The following RGS20 variants were observed in gnomAD, a reference collection of about 807,000 sequenced individuals.
The protein encoded by RGS20 is gz-selective GTPase-activating protein.
A neutral mutation model predicts 33.6 loss-of-function variants in RGS20; 30 were observed. That is an observed-to-expected ratio of 0.89 (90% CI 0.67 to 1.21). The LOEUF is 1.21. Among genes scored for constraint, RGS20 ranks in the 50% most tolerant of loss-of-function variants. RGS20 has a pLI of 0.00. For missense variants in RGS20, 472 were observed against 502.4 expected (o/e 0.94, Z 0.58); for synonymous variants, 208 against 197.9 (o/e 1.05, Z -0.43).
chr8:53,953,454 G>A (rs915158248), intron 4 of RGS20, among the ~76,000 whole-genome samples: 2 of 151,490 alleles, frequency 1.3e-5, no homozygotes, highest in Non-Finnish European at 2.9e-5. Context: ...CTAGTAAGTC[G>A]AGGCTTCAGT....
chr8:53,909,209 G>GTGTATGTATATA (rs1242600309), intron 2 of RGS20, among the ~76,000 whole-genome samples: 1 of 43,720 alleles, frequency 2.3e-5, no homozygotes, highest in African/African-American at 1.1e-4. Context: ...TGGTATGTGT[G>GTGTATGTATATA]TATATATATA....
At chr8:53,901,276 C>G (rs938194509) in intron 2 of RGS20, among the ~76,000 whole-genome samples, 1 of 152,116 alleles carries the variant, frequency 6.6e-6, no homozygotes, top group African/African-American at 2.4e-5. Context: ...CCATGTTGGT[C>G]AGGCTGGTCT....
At chr8:53,926,056 G>A (rs1208833709) in intron 2 of RGS20, among the ~76,000 whole-genome samples, 4 of 152,024 alleles carry the variant, frequency 2.6e-5, no homozygotes, top group East Asian at 1.9e-4. Flanking sequence ...AAAAAAAATT[G>A]TTAATTAGCT....
chr8:53,943,990 T>C (rs1216464116), intron 3 of RGS20, among the ~76,000 whole-genome samples: 2 of 147,818 alleles, frequency 1.4e-5, no homozygotes, highest in Non-Finnish European at 1.5e-5. Context: ...TAAAGAAAAA[T>C]AGAGCTACAC....
At chr8:53,889,414 T>TCTC (rs1563367024) in intron 2 of RGS20, among the ~76,000 whole-genome samples, 1 of 44,596 alleles carries the variant, frequency 2.2e-5, no homozygotes, top group African/African-American at 1.1e-4. Flanking sequence ...CTCTCTCTCT[T>TCTC]TTTTTTTTTT....
At chr8:53,890,768 T>G (rs903256524) in intron 2 of RGS20, among the ~76,000 whole-genome samples, 1 of 152,246 alleles carries the variant, frequency 6.6e-6, no homozygotes, top group Non-Finnish European at 1.5e-5. Flanking sequence ...TAGCTGGGAT[T>G]ACAGGCACTT....
At chr8:53,947,831 TATG>T (rs1814559414) in intron 4 of RGS20, among the ~76,000 whole-genome samples, 1 of 138,126 alleles carries the variant, frequency 7.2e-6, no homozygotes, top group Admixed American at 7.6e-5. Flanking sequence ...TACATTTATA[TATG>T]CTATATATAG....
chr8:53,954,336 C>T, intron 5 of RGS20, 26 bp downstream of exon 4: 2 of 1,460,064 alleles, frequency 1.4e-6, no homozygotes, highest in Non-Finnish European at 1.9e-6. Flanking sequence ...ATGCCTTTTC[C>T]CAAGGCTGTT....
At position 53,877,470 on chromosome 8, in the gene RGS20, C is replaced by CTT. The variant is rs1384991570; in HGVS notation, c.166-1788_166-1787insTT. 2.6e-5 allele frequency among the ~76,000 whole-genome samples: 4 copies of CTT among 152,210 alleles called. No homozygotes were observed. Among genetic ancestry groups the CTT allele is most frequent in the Non-Finnish European group, 5.9e-5 (4 of 68,026 alleles). On this transcript the variant is annotated intron_variant, in intron 1 of 5. Coordinates refer to ENST00000297313, the MANE Select transcript of RGS20 (RefSeq NM_170587.4). This position sits in a 1 kb window ranked among gnomAD's most constrained non-coding sequence, Gnocchi z 5.7. ...CCACCCCAAGCCCCAGCCGGAGGGG[C>CTT]GCGTCCCCTGTCCTCCTCCCGAGCG...
intron 2 of RGS20, 21 bp downstream of exon 1, chr8:53,881,105 A>G (rs1307063498): frequency 4.7e-6 from 7 of 1,500,142 alleles, no homozygotes; most frequent in East Asian, 2.4e-5. Flanking sequence ...CAGTTCCTCG[A>G]ACTCTCTTTC....
At chr8:53,931,792 G>A (rs1023692432) in intron 2 of RGS20, among the ~76,000 whole-genome samples, 9 of 152,142 alleles carry the variant, frequency 5.9e-5, no homozygotes, top group African/African-American at 1.7e-4. Flanking sequence ...CCCAGGAAGT[G>A]CAAGGTGTCA....
chr8:53,941,384 G>A (rs1814293840), intron 3 of RGS20, among the ~76,000 whole-genome samples: 1 of 152,036 alleles, frequency 6.6e-6, no homozygotes, highest in Non-Finnish European at 1.5e-5. Context: ...AAGGCCAACC[G>A]AGTTTACTGC....
chr8:53,909,619 T>C (rs986270897), intron 2 of RGS20, among the ~76,000 whole-genome samples: 1 of 152,108 alleles, frequency 6.6e-6, no homozygotes, highest in Non-Finnish European at 1.5e-5. Flanking sequence ...AAATGCATGC[T>C]TATATTAAAA....
chr8:53,948,344 T>C (rs1203969704), intron 4 of RGS20, among the ~76,000 whole-genome samples: 1 of 141,294 alleles, frequency 7.1e-6, no homozygotes, highest in East Asian at 2.1e-4. Flanking sequence ...ACAGTATATA[T>C]TTATATATGC....
At chr8:53,918,400 T>A (rs1055799078) in intron 2 of RGS20, among the ~76,000 whole-genome samples, 1 of 152,030 alleles carries the variant, frequency 6.6e-6, no homozygotes, top group Non-Finnish European at 1.5e-5. Flanking sequence ...CTTTCTTCCT[T>A]TTTTTGAGAC....
chr8:53,861,226 C>T (rs1330441990), intron 1 of RGS20, among the ~76,000 whole-genome samples: 1 of 152,292 alleles, frequency 6.6e-6, no homozygotes, highest in East Asian at 1.9e-4. Flanking sequence ...CTATTCCCAC[C>T]ACCAGACATT....
chr8:53,881,544 G>T (rs1812384562), intron 2 of RGS20, among the ~76,000 whole-genome samples: 1 of 151,906 alleles, frequency 6.6e-6, no homozygotes, highest in Non-Finnish European at 1.5e-5. Flanking sequence ...TTTGAGCGCC[G>T]CTGGGAAGGG....
At chr8:53,893,698 ACACATAAGT>A (rs776856319) in intron 2 of RGS20, among the ~76,000 whole-genome samples, 20 of 152,208 alleles carry the variant, frequency 1.3e-4, no homozygotes, top group Non-Finnish European at 2.4e-4. Flanking sequence ...TTTTTGCCAA[ACACATAAGT>A]TGCCTTCGGC....
chr8:53,877,134 T>C lies in RGS20; in HGVS notation c.166-2124T>C, dbSNP rs1039620783. Among the ~76,000 whole-genome samples the C allele has an allele frequency of 1.3e-5, 2 of 152,208 alleles. No homozygotes were observed. The highest frequency in any genetic ancestry group is 2.9e-5 in the Non-Finnish European group (2 of 68,040). On this transcript the variant is annotated intron_variant, in intron 1 of 5. Coordinates refer to ENST00000297313, the MANE Select transcript of RGS20 (RefSeq NM_170587.4). This position sits in a 1 kb window ranked among gnomAD's most constrained non-coding sequence, Gnocchi z 5.7. Reference sequence around the variant, plus strand: ...CGGGCTCCTCGAAGTTGGGCGTGCGTCGCAGAACAGTGCTGGGCGCTCTCT... The same window carrying C: ...CGGGCTCCTCGAAGTTGGGCGTGCGCCGCAGAACAGTGCTGGGCGCTCTCT...
Sources: allele counts gnomAD v4.1 joint callset (sites outside exome capture counted in the v4.1 genomes callset), GRCh38; gene constraint gnomAD v4.1.1; non-coding constraint Gnocchi (gnomAD v3.1); transcripts MANE v1.5; gene names NCBI Gene and HGNC (gene_info 2026-07-23, HGNC 2026-07-21).